The following CEP128 variants were observed in gnomAD, a reference collection of about 807,000 sequenced individuals.
The protein encoded by CEP128 is centrosomal protein 128kDa.
Under a neutral mutation model 156.7 loss-of-function variants are expected in CEP128, and 132 were observed. The ratio of observed to expected loss-of-function variants is 0.84; its 90% CI spans 0.73 to 0.97. CEP128 has a LOEUF of 0.97. Ranked by LOEUF, CEP128 falls within the 50% of genes least tolerant of loss-of-function variation. CEP128 has a pLI of 0.00. For synonymous variants in CEP128, 469 were observed against 448.9 expected, an observed-to-expected ratio of 1.04 and a Z score of -0.57; for missense variants, 1,252 against 1,281.9, an observed-to-expected ratio of 0.98 and a Z score of 0.36.
At chr14:80,597,628 GAAAGA>G (rs1412177760) in intron 19 of CEP128, among the ~76,000 whole-genome samples, 1 of 136,262 alleles carries the variant, frequency 7.3e-6, no homozygotes, top group Non-Finnish European at 1.6e-5. Flanking sequence ...AACAAAGAAA[GAAAGA>G]AAAGAAAGAA....
downstream of CEP128, among the ~76,000 whole-genome samples, chr14:80,496,292 G>A (rs561593563): frequency 5.9e-5 from 9 of 152,178 alleles, no homozygotes; most frequent in East Asian, 5.8e-4. Flanking sequence ...CTTGTGTTAC[G>A]CAATTTTTGG....
chr14:80,613,292 A>ATT lies in CEP128; in HGVS notation c.2807-32871_2807-32870dup, dbSNP rs60007458. On this transcript the variant is annotated intron_variant, in intron 19 of 24. Transcript: ENST00000555265. ...GCTCAAAACTCAAACAATGGAGAGC[A>ATT]TTTTTTTTTTTTTTTTTTTTTTTTT... Among the ~76,000 whole-genome samples the ATT allele has an allele frequency of 1.3e-3, 86 of 65,428 alleles. 10 individuals are homozygous for ATT. Among genetic ancestry groups the ATT allele is most frequent in the Non-Finnish European group, 1.9e-3 (72 of 37,768 alleles). The allele number at this position is 65,428 out of a possible 152,430, so 42.9% of individuals were successfully genotyped here.
chr14:80,618,627 C>T (rs1043023407), intron 19 of CEP128, among the ~76,000 whole-genome samples: 2 of 152,174 alleles, frequency 1.3e-5, no homozygotes, highest in African/African-American at 2.4e-5. Context: ...TAAAGATAGG[C>T]CGTAACTGCT....
At chr14:80,901,909 A>T (rs754015293) in intron 6 of CEP128, among the ~76,000 whole-genome samples, 1 of 152,160 alleles carries the variant, frequency 6.6e-6, no homozygotes, top group Admixed American at 6.5e-5. Context: ...TAATTTTGTC[A>T]GCCCTGTTAC....
intron 19 of CEP128, among the ~76,000 whole-genome samples, chr14:80,686,439 A>G (rs1896526402): frequency 6.6e-6 from 1 of 152,156 alleles, no homozygotes; most frequent in Non-Finnish European, 1.5e-5. Flanking sequence ...CTAAATATGG[A>G]AAGGAAAAAC....
At chr14:80,585,549 A>C (rs1026248843) in intron 19 of CEP128, among the ~76,000 whole-genome samples, 1 of 152,198 alleles carries the variant, frequency 6.6e-6, no homozygotes, top group Non-Finnish European at 1.5e-5. Context: ...CCATATTACA[A>C]CTAAGCCCAA....
chr14:80,537,694 T>C (rs558824823), intron 21 of CEP128, among the ~76,000 whole-genome samples: 17 of 152,322 alleles, frequency 1.1e-4, no homozygotes, highest in Non-Finnish European at 1.8e-4. Context: ...TTTTAAGTGA[T>C]TGCATGTTAA....
intron 19 of CEP128, among the ~76,000 whole-genome samples, chr14:80,704,180 A>G (rs1028372137): frequency 2.0e-5 from 3 of 152,066 alleles, no homozygotes; most frequent in African/African-American, 4.8e-5. Flanking sequence ...AATAATTTCA[A>G]TTATGTAGTC....
chr14:80,569,648 T>C (rs543116536), intron 20 of CEP128, among the ~76,000 whole-genome samples: 29 of 152,328 alleles, frequency 1.9e-4, no homozygotes, highest in South Asian at 1.9e-3. Flanking sequence ...AAAATATTCT[T>C]ATTAGACTCT....
At chr14:80,552,661 T>C (rs1890257742) in intron 21 of CEP128, among the ~76,000 whole-genome samples, 1 of 152,188 alleles carries the variant, frequency 6.6e-6, no homozygotes, top group Admixed American at 6.5e-5. Context: ...GCCTCCCTGA[T>C]TGCTGATGAA....
intron 19 of CEP128, among the ~76,000 whole-genome samples, chr14:80,641,982 C>T (rs966599688): frequency 1.3e-5 from 2 of 150,226 alleles, no homozygotes; most frequent in Non-Finnish European, 3.0e-5. Flanking sequence ...CCCAGCTACT[C>T]CGGAGGCTGA....
chr14:80,562,801 T>C (rs55670336), intron 20 of CEP128, among the ~76,000 whole-genome samples: 35,870 of 151,362 alleles, frequency 0.24, 4,570 homozygotes, highest in East Asian at 0.38. Flanking sequence ...ACCGGGAGTA[T>C]AGGTGTGCAC....
intron 9 of CEP128, 46 bp downstream of exon 9, chr14:80,862,711 C>A: frequency 7.9e-7 from 1 of 1,257,968 alleles, no homozygotes; most frequent in African/African-American, 1.5e-5. Flanking sequence ...GCTAAATAAA[C>A]ATCCAAATTC....
intron 21 of CEP128, among the ~76,000 whole-genome samples, chr14:80,543,731 T>C (rs1162578373): frequency 1.3e-5 from 2 of 152,204 alleles, no homozygotes; most frequent in Non-Finnish European, 2.9e-5. Context: ...ATGAAAGCCA[T>C]GCATTCATTC....
At chr14:80,738,867 T>G (rs566656009) in intron 19 of CEP128, among the ~76,000 whole-genome samples, 2 of 152,200 alleles carry the variant, frequency 1.3e-5, no homozygotes, top group Non-Finnish European at 2.9e-5. Flanking sequence ...CTACTGCATC[T>G]CTTTATGCTC....
intron 19 of CEP128, among the ~76,000 whole-genome samples, chr14:80,636,452 T>C (rs1318291968): frequency 6.6e-6 from 1 of 152,238 alleles, no homozygotes; most frequent in Non-Finnish European, 1.5e-5. Flanking sequence ...CTCATTTTCC[T>C]GCTTTTTTTT....
chr14:80,894,726 T>TTA (rs1172905729), intron 8 of CEP128: 1 of 327,542 alleles, frequency 3.1e-6, no homozygotes, highest in Admixed American at 4.5e-5. Context: ...AGCCAAGTGT[T>TTA]TATTCATATT....
intron 19 of CEP128, among the ~76,000 whole-genome samples, chr14:80,608,322 C>T (rs767259236): frequency 2.6e-5 from 4 of 152,152 alleles, no homozygotes; most frequent in South Asian, 2.1e-4. Flanking sequence ...ACTCAGGCAC[C>T]TAGAAAAGTG....
intron 20 of CEP128, among the ~76,000 whole-genome samples, chr14:80,566,002 C>T (rs985135692): frequency 1.8e-4 from 27 of 152,168 alleles, no homozygotes; most frequent in Non-Finnish European, 2.9e-4. Context: ...ATCTTTTCCA[C>T]ATCTTAGAAG....
Sources: gnomAD v4.1 joint callset for allele counts (sites outside exome capture counted in the v4.1 genomes callset) on GRCh38, gnomAD v4.1.1 for gene constraint, MANE v1.5 for transcripts, NCBI Gene and HGNC (gene_info 2026-07-23, HGNC 2026-07-21) for gene names.